CASP9: variants seen among roughly 807,000 people sequenced by gnomAD.
The protein encoded by CASP9 is caspase-9.
Under a neutral mutation model 43.5 loss-of-function variants are expected in CASP9, and 29 were observed. The observed-to-expected ratio is 0.67, with a 90% CI of 0.50 to 0.91. CASP9 has a LOEUF of 0.91. Among genes scored for constraint, CASP9 ranks in the 40% least tolerant of loss-of-function variants. The pLI, the probability that CASP9 is intolerant of heterozygous loss-of-function variation, is 0.00. For synonymous variants in CASP9, 206 were observed against 211.9 expected, an observed-to-expected ratio of 0.97 and a Z score of 0.24; for missense variants, 575 against 537.4, an observed-to-expected ratio of 1.07 and a Z score of -0.69.
At chr1:15,522,677 T>G (rs771156297) in intron 1 of CASP9, among the ~76,000 whole-genome samples, 55 of 152,348 alleles carry the variant, frequency 3.6e-4, no homozygotes, top group Non-Finnish European at 7.5e-4. Context: ...ATCTCATCCC[T>G]GCACTCCAGG....
chr1:15,501,076 A>G (rs764400527), intron 6 of CASP9, among the ~76,000 whole-genome samples: 45 of 152,228 alleles, frequency 3.0e-4, no homozygotes, highest in Admixed American at 8.5e-4. Flanking sequence ...GGCAGGACTC[A>G]TTCCCCACAA....
chr1:15,499,440 G>A (rs1709238826), intron 6 of CASP9, among the ~76,000 whole-genome samples: 1 of 152,054 alleles, frequency 6.6e-6, no homozygotes, highest in Non-Finnish European at 1.5e-5. Context: ...TGTACTTCTT[G>A]CACTATGGCA....
At chr1:15,515,912 C>T (rs1033009762) in intron 2 of CASP9, among the ~76,000 whole-genome samples, 2 of 151,762 alleles carry the variant, frequency 1.3e-5, no homozygotes, top group African/African-American at 4.8e-5. Context: ...TAAAATTGGC[C>T]AGGCATGGGC....
At position 15,504,678 on chromosome 1, in the gene CASP9, G is replaced by A. The variant is rs1475727221; in HGVS notation, c.801C>T (p.Phe267=). 6.2e-7 allele frequency: 1 copy of A among 1,614,074 alleles called. No individual in the cohort carries two copies. Among genetic ancestry groups the A allele is most frequent in the Non-Finnish European group, 8.5e-7 (1 of 1,180,024 alleles). ...PVSVEKIVNI[F]NGTSCPSLGG... The stretch of plus-strand genomic sequence containing the variant: ...CCAGGCTGGGGCAGCTGGTCCCATT[G>A]AAGATGTTCACAATCTTCTCGACCG... Residue 267 remains phenylalanine (F), a synonymous_variant, in exon 6 of 9, where the codon TTC becomes TTT. Coordinates refer to ENST00000333868, the MANE Select transcript of CASP9 (RefSeq NM_001229.5).
At chr1:15,493,297 C>T (rs2103321720) in intron 8 of CASP9, 1 of 1,344,728 alleles carries the variant, frequency 7.4e-7, no homozygotes, top group Non-Finnish European at 9.5e-7. Flanking sequence ...GCCTCGCAGC[C>T]CCTTCTCGTG....
intron 6 of CASP9, among the ~76,000 whole-genome samples, chr1:15,501,649 C>T (rs753343475): frequency 2.0e-5 from 3 of 152,208 alleles, no homozygotes; most frequent in Non-Finnish European, 4.4e-5. Flanking sequence ...AGCAAGGACC[C>T]GACTCCAAAG....
At chr1:15,502,427 C>A (rs1709362398) in intron 6 of CASP9, among the ~76,000 whole-genome samples, 2 of 152,214 alleles carry the variant, frequency 1.3e-5, no homozygotes, top group Middle Eastern at 3.4e-3. Context: ...TCAAGACTAG[C>A]CTGGGCAATA....
At chr1:15,501,832 T>C (rs1709343586) in intron 6 of CASP9, among the ~76,000 whole-genome samples, 1 of 152,122 alleles carries the variant, frequency 6.6e-6, no homozygotes, top group Non-Finnish European at 1.5e-5. Context: ...AGTGCAATAG[T>C]GTAAACATGG....
intron 6 of CASP9, among the ~76,000 whole-genome samples, chr1:15,497,661 T>TAA (rs1305386607): frequency 6.8e-6 from 1 of 147,034 alleles, no homozygotes; most frequent in Non-Finnish European, 1.5e-5. Context: ...AAAAAAAAGA[T>TAA]ATAAATAAAT....
At position 15,492,827 on chromosome 1, in the gene CASP9, C is replaced by A; in HGVS notation, c.*116G>T. 2 of 1,411,930 alleles carry A rather than the reference C, an allele frequency of 1.4e-6. No homozygotes were observed. Among genetic ancestry groups the A allele is most frequent in the South Asian group, 1.3e-5 (1 of 74,972 alleles). 87.5% of individuals were successfully genotyped at this position (1,411,930 alleles called of 1,614,324 possible). On this transcript the variant is annotated 3_prime_UTR_variant, in exon 9 of 9. Transcript: ENST00000333868. ...CTGTCACTGGCAGAGAAAGAGCAGA[C>A]CCTGTGCCGGCTGCAAAGTCCTTGA... is the stretch of plus-strand genomic sequence containing the variant.
chr1:15,493,080 G>A (rs1473622754), intron 8 of CASP9, 45 bp from the exon 9 acceptor site: 1 of 1,610,404 alleles, frequency 6.2e-7, no homozygotes, highest in Admixed American at 1.7e-5. Context: ...CAGTTCTCTG[G>A]ACTGAAGGAA....
chr1:15,506,909 A>G lies in CASP9; in HGVS notation c.620T>C (p.Leu207Pro). ...AGATAGTGAGTGTACCTTGGCAGTC[A>G]GGTCGCCCTTCACCTCCACCATGAA... ...LHFMVEVKGDLTAKKMVLALL... is the reference protein window; with the variant it reads ...LHFMVEVKGDPTAKKMVLALL... Residue 207 changes from leucine (L) to proline (P), a missense_variant, in exon 4 of 9, where the codon CTG becomes CCG. Physicochemically the swap from Leu to Pro is moderately conservative, Grantham distance 98. Transcript: ENST00000333868. The G allele has an allele frequency of 1.2e-6, 2 of 1,613,380 alleles. No homozygotes were observed. The highest frequency in any genetic ancestry group is 1.7e-6 in the Non-Finnish European group (2 of 1,179,500).
At chr1:15,511,420 T>TC (rs1709748200) in intron 2 of CASP9, among the ~76,000 whole-genome samples, 1 of 151,842 alleles carries the variant, frequency 6.6e-6, no homozygotes, top group East Asian at 1.9e-4. Flanking sequence ...TTTTTTTTTT[T>TC]TCAGACAGAG....
Position 15,492,416 on chromosome 1 carries a change from G to C in CASP9, c.*527C>G, listed in dbSNP as rs1466527247. The C allele has an allele frequency of 6.5e-6, 1 of 152,932 alleles. No homozygotes were observed. The highest frequency in any genetic ancestry group is 1.5e-5 in the Non-Finnish European group (1 of 68,622). The allele number at this position is 152,932 out of a possible 1,614,324, so 9.5% of individuals were successfully genotyped here. ...GGTTTGCTGATCTATGAGCGATACT[G>C]GTTTGTGTGTAGCCAAAAATCCCTA... On this transcript the variant is annotated 3_prime_UTR_variant, in exon 9 of 9. Transcript: ENST00000333868.
chr1:15,514,565 T>C (rs573811974), intron 2 of CASP9, among the ~76,000 whole-genome samples: 1 of 152,296 alleles, frequency 6.6e-6, no homozygotes, highest in East Asian at 1.9e-4. Context: ...GGAACTCACT[T>C]TGTGACTGTT....
chr1:15,506,782 T>C (rs1016241164), intron 4 of CASP9, 117 bp downstream of exon 4: 4 of 840,386 alleles, frequency 4.8e-6, no homozygotes, highest in Admixed American at 4.9e-5. Context: ...CTACCTCCCA[T>C]GGTCCTCCAG....
At chr1:15,506,687 A>T (rs1709535549) in intron 4 of CASP9, among the ~76,000 whole-genome samples, 2 of 152,200 alleles carry the variant, frequency 1.3e-5, no homozygotes, top group Non-Finnish European at 2.9e-5. Context: ...GAGGCACAGG[A>T]GGTCACACAG....
Position 15,507,046 on chromosome 1 carries a change from G to A in CASP9, c.483C>T (p.Gly161=), listed in dbSNP as rs913348322. 2 of 1,614,170 alleles carry A rather than the reference G, an allele frequency of 1.2e-6. No homozygotes were observed. The highest frequency in any genetic ancestry group is 2.2e-5 in the South Asian group (2 of 91,078). The part of the protein sequence containing the change: ...LAYILSMEPC[G]HCLIINNVNF... ...TCACATTGTTGATAATGAGGCAGTG[G>A]CCACAGGGCTCCATGCTCAGGATGT... is the stretch of plus-strand genomic sequence containing the variant. Residue 161 remains glycine, a synonymous_variant, in exon 4 of 9, where the codon GGC becomes GGT. Coordinates refer to ENST00000333868, the MANE Select transcript of CASP9 (RefSeq NM_001229.5).
At position 15,493,753 on chromosome 1, in the gene CASP9, C is replaced by T. The variant is rs1450585497; in HGVS notation, c.1158+139G>A. ...ATAAAGAGACACAAAAGTGCCGACT[C>T]CAAGGCTCAGAGGCAGGAGTCTACT... is the stretch of plus-strand genomic sequence containing the variant. On this transcript the variant is annotated intron_variant, in intron 8 of 8. Coordinates refer to ENST00000333868, the MANE Select transcript of CASP9 (RefSeq NM_001229.5). 6.6e-6 allele frequency: 10 copies of T among 1,525,596 alleles called. No homozygotes were observed. In the Admixed American group the frequency reaches 1.8e-4, roughly 27 times the overall value. 94.5% of individuals were successfully genotyped at this position (1,525,596 alleles called of 1,614,324 possible). A position where few individuals can be genotyped will look rare whatever the true frequency, so the allele number is the denominator to read the frequency against.
Sources: gnomAD v4.1 joint callset for allele counts (sites outside exome capture counted in the v4.1 genomes callset) on GRCh38, gnomAD v4.1.1 for gene constraint, MANE v1.5 for transcripts, NCBI Gene and HGNC (gene_info 2026-07-23, HGNC 2026-07-21) for gene names.